The following DGKB variants were observed in gnomAD, a reference collection of about 807,000 sequenced individuals.
The protein encoded by DGKB is 90 kDa diacylglycerol kinase.
DGKB carries 67 observed loss-of-function variants against 114.3 expected under a neutral mutation model. The ratio of observed to expected loss-of-function variants is 0.59; its 90% CI spans 0.48 to 0.72. The LOEUF (loss-of-function observed/expected upper bound fraction) is 0.72, where lower values mean the gene tolerates loss of function less well. DGKB is among the 30% of genes least tolerant of loss of function. DGKB has a pLI of 0.00. For synonymous variants in DGKB, 398 were observed against 323.1 expected (o/e 1.23, Z -2.49); for missense variants, 907 against 975.2 (o/e 0.93, Z 0.93).
At chr7:14,770,147 A>G (rs745573768) in intron 2 of DGKB, among the ~76,000 whole-genome samples, 2 of 152,036 alleles carry the variant, frequency 1.3e-5, no homozygotes, top group Non-Finnish European at 2.9e-5. Flanking sequence ...GTTATGTGGT[A>G]TGTTCATTTA....
rs867333115 is a variant in DGKB, at chr7:14,169,955, A to T, written c.2304+6884T>A. Reference sequence around the variant, plus strand: ...TTCAAGACCAGCCTGACCAACATGGAGAAACCCCATCTCTACTAAAAATAC... The same window carrying T: ...TTCAAGACCAGCCTGACCAACATGGTGAAACCCCATCTCTACTAAAAATAC... On this transcript the variant is annotated intron_variant, in intron 25 of 25. Coordinates refer to ENST00000402815, the MANE Select transcript of DGKB (RefSeq NM_001350709.2). Among the ~76,000 whole-genome samples the T allele has an allele frequency of 4.0e-5, 6 of 151,712 alleles. No individual in the cohort carries two copies. In the South Asian group the frequency reaches 1.3e-3, roughly 32 times the overall value.
At chr7:14,368,114 T>C (rs915110238) in intron 21 of DGKB, among the ~76,000 whole-genome samples, 1 of 151,998 alleles carries the variant, frequency 6.6e-6, no homozygotes, top group Non-Finnish European at 1.5e-5. Flanking sequence ...AGAACATATA[T>C]AGAGTTCCCA....
At chr7:14,742,907 G>A (rs1186253874) in intron 4 of DGKB, among the ~76,000 whole-genome samples, 1 of 152,122 alleles carries the variant, frequency 6.6e-6, no homozygotes, top group Non-Finnish European at 1.5e-5. Context: ...ATTAGATAAG[G>A]TCAAGCTAAA....
Position 14,375,963 on chromosome 7 carries a change from G to A in DGKB, c.1836-30572C>T, listed in dbSNP as rs541623278. Among the ~76,000 whole-genome samples the A allele has an allele frequency of 2.0e-5, 3 of 152,262 alleles. No homozygotes were observed. In the South Asian group the frequency reaches 6.2e-4, roughly 32 times the overall value. On this transcript the variant is annotated intron_variant, in intron 21 of 25. Coordinates refer to ENST00000402815, the MANE Select transcript of DGKB (RefSeq NM_001350709.2). ...GCATACAGTCTTGGGGTGAAATGTT[G>A]GTTCAAACTTGTTTCAAGAATGCTT...
chr7:14,905,661 A>G (rs1256877021), upstream of DGKB, among the ~76,000 whole-genome samples: 1 of 152,216 alleles, frequency 6.6e-6, no homozygotes, highest in Non-Finnish European at 1.5e-5. Context: ...AGTATTCCCA[A>G]ACTAAATTTT....
intron 21 of DGKB, among the ~76,000 whole-genome samples, chr7:14,406,449 A>T (rs1560575): frequency 0.75 from 113,719 of 151,536 alleles, 43,259 homozygotes; most frequent in Middle Eastern, 0.83. Flanking sequence ...TGACCCTGAT[A>T]TAAAGAAATG....
At chr7:14,319,207 C>T (rs1265706280) in intron 23 of DGKB, among the ~76,000 whole-genome samples, 2 of 151,534 alleles carry the variant, frequency 1.3e-5, no homozygotes, top group Non-Finnish European at 2.9e-5. Flanking sequence ...TTAGTGGGTG[C>T]AGCACACCAG....
intron 23 of DGKB, among the ~76,000 whole-genome samples, chr7:14,198,084 C>G (rs1304699060): frequency 1.3e-5 from 2 of 152,122 alleles, no homozygotes; most frequent in African/African-American, 4.8e-5. Context: ...TTTGCCTCAG[C>G]AAAGGATTGA....
At chr7:14,353,275 T>A (rs756572876) in intron 21 of DGKB, among the ~76,000 whole-genome samples, 1 of 152,220 alleles carries the variant, frequency 6.6e-6, no homozygotes, top group African/African-American at 2.4e-5. Context: ...TCTGTTTAAG[T>A]GCTTTTATTT....
chr7:14,905,518 A>T (rs1783656207), upstream of DGKB, among the ~76,000 whole-genome samples: 1 of 152,148 alleles, frequency 6.6e-6, no homozygotes, highest in Middle Eastern at 3.2e-3. Flanking sequence ...TCTGTTTATC[A>T]TTCATCAATC....
At chr7:14,887,174 C>T (rs1252330984) in intron 1 of DGKB, among the ~76,000 whole-genome samples, 2 of 151,734 alleles carry the variant, frequency 1.3e-5, no homozygotes, top group Non-Finnish European at 2.9e-5. Context: ...ACTTTACCTG[C>T]CTCAATCAGG....
intron 23 of DGKB, among the ~76,000 whole-genome samples, chr7:14,303,894 T>C (rs774520393): frequency 6.6e-5 from 10 of 152,136 alleles, no homozygotes; most frequent in Non-Finnish European, 7.4e-5. Flanking sequence ...GATTGAAAAG[T>C]CTATCAAGTA....
At chr7:14,354,483 A>T (rs962359042) in intron 21 of DGKB, among the ~76,000 whole-genome samples, 1 of 152,196 alleles carries the variant, frequency 6.6e-6, no homozygotes, top group Non-Finnish European at 1.5e-5. Context: ...CAGTACTGTT[A>T]TAAGAATTGG....
chr7:14,490,838 C>T (rs1024164994), intron 20 of DGKB, among the ~76,000 whole-genome samples: 3 of 152,004 alleles, frequency 2.0e-5, no homozygotes, highest in African/African-American at 4.8e-5. Context: ...ATATTTCACT[C>T]AATTATTTTT....
chr7:14,244,496 A>C (rs1048989533), intron 23 of DGKB, among the ~76,000 whole-genome samples: 2 of 102,680 alleles, frequency 1.9e-5, no homozygotes, highest in Admixed American at 9.9e-5. Flanking sequence ...CTCTACTAAA[A>C]GTACAAAAAG....
At chr7:14,156,313 T>C (rs943712569) in intron 25 of DGKB, among the ~76,000 whole-genome samples, 1 of 152,158 alleles carries the variant, frequency 6.6e-6, no homozygotes. Context: ...TACTGAATGA[T>C]ATTTAAGTAG....
intron 23 of DGKB, among the ~76,000 whole-genome samples, chr7:14,337,582 A>G (rs1442699053): frequency 6.6e-6 from 1 of 152,070 alleles, no homozygotes; most frequent in Non-Finnish European, 1.5e-5. Context: ...CAAAACATAA[A>G]GCTATTGCCC....
At chr7:14,898,202 C>T (rs1033675916) in intron 1 of DGKB, among the ~76,000 whole-genome samples, 6 of 151,858 alleles carry the variant, frequency 4.0e-5, no homozygotes, top group South Asian at 2.1e-4. Context: ...GCATGGAGAG[C>T]GGGCAGAGGA....
intron 3 of DGKB, among the ~76,000 whole-genome samples, chr7:14,755,317 CT>C (rs1339586110): frequency 3.9e-5 from 6 of 152,096 alleles, no homozygotes; most frequent in African/African-American, 1.2e-4. Flanking sequence ...CACTTTAAAA[CT>C]TCAGTAATTC....
Sources: allele counts gnomAD v4.1 joint callset (sites outside exome capture counted in the v4.1 genomes callset), GRCh38; gene constraint gnomAD v4.1.1; transcripts MANE v1.5; gene names NCBI Gene and HGNC (gene_info 2026-07-23, HGNC 2026-07-21).